SRSF3: variants seen among roughly 807,000 people sequenced by gnomAD.
SRSF3 encodes serine and arginine rich splicing factor 3, also known as serine/arginine-rich splicing factor 3.
For missense variants in SRSF3, 58 were observed against 217.1 expected (o/e 0.27, Z 4.61); for synonymous variants, 87 against 73.6 (o/e 1.18, Z -0.93).
At chr6:36,597,531 C>G (rs611831) in intron 2 of SRSF3, among the ~76,000 whole-genome samples, 149,733 of 152,300 alleles carry the variant, frequency 0.98, 73,612 homozygotes, top group East Asian at 1. Flanking sequence ...AAGTGAATCA[C>G]TTACTATTTC....
At position 36,602,161 on chromosome 6, in the gene SRSF3, A is replaced by T; in HGVS notation, c.*172A>T. The T allele has an allele frequency of 8.0e-7, 1 of 1,248,320 alleles. No individual in the cohort carries two copies. Among genetic ancestry groups the T allele is most frequent in the Non-Finnish European group, 1.1e-6 (1 of 926,708 alleles). 77.3% of individuals were successfully genotyped at this position (1,248,320 alleles called of 1,614,324 possible). On this transcript the variant is annotated 3_prime_UTR_variant, in exon 6 of 6. Transcript: ENST00000373715. ...CAGTGACACAAAGGTGTAATTCTCTATGGTTTGAAATGGATCATACGAGGC... is the reference window on the plus strand; with the variant it reads ...CAGTGACACAAAGGTGTAATTCTCTTTGGTTTGAAATGGATCATACGAGGC...
chr6:36,600,271 A>G, intron 3 of SRSF3: 1 of 1,041,026 alleles, frequency 9.6e-7, no homozygotes, highest in Non-Finnish European at 1.2e-6. Context: ...TTGAAACCCA[A>G]AACTAGTAAG....
At position 36,596,690 on chromosome 6, in the gene SRSF3, C is replaced by T. The variant is rs180777495; in HGVS notation, c.-2-71C>T. ...CTCTCTTGTCCTCTCTAATGGAGTT[C>T]TTTCTAAGGATCTGTGGTTTTAACT... On this transcript the variant is annotated intron_variant, in intron 1 of 5. Coordinates refer to ENST00000373715, the MANE Select transcript of SRSF3 (RefSeq NM_003017.5). 4.4e-3 allele frequency: 6,005 copies of T among 1,379,142 alleles called. 32 individuals are homozygous for T. Among genetic ancestry groups the T allele is most frequent in the South Asian group, 9.9e-3 (859 of 86,486 alleles). 85.4% of individuals were successfully genotyped at this position (1,379,142 alleles called of 1,614,324 possible). A position where few individuals can be genotyped will look rare whatever the true frequency, so the allele number is the denominator to read the frequency against.
chr6:36,598,990 G>A lies in SRSF3; in HGVS notation c.341+7G>A, dbSNP rs758516104. ...GTCCTCCACCTCGTCGCAGGTACTT[G>A]AGAGAAAGCTTGTTAAGAGGTATTG... On this transcript the variant is annotated splice_region_variant and intron_variant, in intron 3 of 5. Transcript: ENST00000373715. The A allele has an allele frequency of 6.2e-7, 1 of 1,613,958 alleles. No individual in the cohort carries two copies. The highest frequency in any genetic ancestry group is 1.1e-5 in the South Asian group (1 of 91,064).
rs1357200058 is a variant in SRSF3 at position 36,603,844 on chromosome 6, G to A, written c.*1855G>A. The stretch of plus-strand genomic sequence containing the variant: ...GGACAACTTATGTGGGCATTTTTGG[G>A]CAGTATATGACTTCCTTGCAGGCTC... On this transcript the variant is annotated 3_prime_UTR_variant, in exon 6 of 6. Coordinates refer to ENST00000373715, the MANE Select transcript of SRSF3 (RefSeq NM_003017.5). The A allele has an allele frequency of 8.6e-6, 2 of 231,362 alleles. No homozygotes were observed. Among genetic ancestry groups the A allele is most frequent in the Non-Finnish European group, 1.7e-5 (2 of 116,988 alleles). The allele number at this position is 231,362 out of a possible 1,614,324, so 14.3% of individuals were successfully genotyped here. A position where few individuals can be genotyped will look rare whatever the true frequency, so the allele number is the denominator to read the frequency against.
Position 36,594,392 on chromosome 6 carries a change from A to C in SRSF3, c.-92A>C, listed in dbSNP as rs577626663. On this transcript the variant is annotated 5_prime_UTR_variant, in exon 1 of 6. Transcript: ENST00000373715. ...ATTTCGTGGACGCCGGGTGAGTGAG[A>C]GAGTTGGTTGGTGTTGGGCCGGAGG... 4 of 152,544 alleles carry C rather than the reference A, an allele frequency of 2.6e-5. No individual in the cohort carries two copies. Among genetic ancestry groups the C allele is most frequent in the African/African-American group, 9.7e-5 (4 of 41,436 alleles). 9.4% of individuals were successfully genotyped at this position (152,544 alleles called of 1,614,324 possible). A position where few individuals can be genotyped will look rare whatever the true frequency, so the allele number is the denominator to read the frequency against.
chr6:36,596,692 T>G (rs1778636172), intron 1 of SRSF3, 69 bp from the exon 2 acceptor site: 5 of 1,416,396 alleles, frequency 3.5e-6, no homozygotes, highest in Non-Finnish European at 5.0e-6. Flanking sequence ...ATGGAGTTCT[T>G]TCTAAGGATC....
rs989070605 is a variant in SRSF3 at position 36,604,136 on chromosome 6, A to G, written c.*2147A>G. ...AATTTTTAAAGTTGTAATTCCTAAA[A>G]TAACAGGTCACACTAACCGGTCTTG... On this transcript the variant is annotated 3_prime_UTR_variant, in exon 6 of 6. Transcript: ENST00000373715. 4.5e-6 allele frequency: 1 copy of G among 222,962 alleles called. No individual in the cohort carries two copies. Among genetic ancestry groups the G allele is most frequent in the African/African-American group, 2.2e-5 (1 of 44,762 alleles). 13.8% of individuals were successfully genotyped at this position (222,962 alleles called of 1,614,324 possible). A position where few individuals can be genotyped will look rare whatever the true frequency, so the allele number is the denominator to read the frequency against.
In SRSF3 at chr6:36,602,222, C is replaced by T; in HGVS notation, c.*233C>T. The stretch of plus-strand genomic sequence containing the variant: ...AAGAATTGTTACTTTACAATGTTCC[C>T]TTAAGCAAAATTGAATTTGCTTTGA... On this transcript the variant is annotated 3_prime_UTR_variant, in exon 6 of 6. Coordinates refer to ENST00000373715, the MANE Select transcript of SRSF3 (RefSeq NM_003017.5). 2.5e-6 allele frequency: 2 copies of T among 798,558 alleles called. No homozygotes were observed. The highest frequency in any genetic ancestry group is 3.1e-5 in the East Asian group (1 of 32,558). 49.5% of individuals were successfully genotyped at this position (798,558 alleles called of 1,614,324 possible).
At chr6:36,600,482 C>A in intron 3 of SRSF3, 1 of 187,788 alleles carries the variant, frequency 5.3e-6, no homozygotes, top group Non-Finnish European at 1.0e-5. Context: ...GTGCAAGATG[C>A]CAAACTAAAA....
intron 2 of SRSF3, 109 bp downstream of exon 2, chr6:36,597,077 T>A: frequency 6.5e-6 from 5 of 769,992 alleles, no homozygotes; most frequent in Non-Finnish European, 8.6e-6. Context: ...GCCAATTGTA[T>A]CTTTAGATAC....
At chr6:36,597,867 A>G (rs1300945536) in intron 2 of SRSF3, among the ~76,000 whole-genome samples, 1 of 134,532 alleles carries the variant, frequency 7.4e-6, no homozygotes, top group African/African-American at 2.9e-5. Flanking sequence ...TATATTTATT[A>G]TTTAAAAAAT....
rs1485916346 is a variant in SRSF3, at chr6:36,604,056, G to A, written c.*2067G>A. The stretch of plus-strand genomic sequence containing the variant: ...AACCTCAAGACTCTTAGAAACTTTA[G>A]AACATGGAAATTGTTAAAAGCTTTG... On this transcript the variant is annotated 3_prime_UTR_variant, in exon 6 of 6. Transcript: ENST00000373715. 4.4e-6 allele frequency: 1 copy of A among 228,992 alleles called. No individual in the cohort carries two copies. The allele number at this position is 228,992 out of a possible 1,614,324, so 14.2% of individuals were successfully genotyped here. A position where few individuals can be genotyped will look rare whatever the true frequency, so the allele number is the denominator to read the frequency against.
chr6:36,601,698 G>C lies in SRSF3; in HGVS notation c.381-10G>C, dbSNP rs1486293156. 6.3e-7 allele frequency: 1 copy of C among 1,582,514 alleles called. No homozygotes were observed. Among genetic ancestry groups the C allele is most frequent in the Non-Finnish European group, 8.6e-7 (1 of 1,157,692 alleles). On this transcript the variant is annotated splice_polypyrimidine_tract_variant and intron_variant, in intron 4 of 5. Coordinates refer to ENST00000373715, the MANE Select transcript of SRSF3 (RefSeq NM_003017.5). ...ACCTCATTGGTCCTAATGTTTTTTT[G>C]CTTGTTTAGGTCCCTTTCTAGAGAT... is the stretch of plus-strand genomic sequence containing the variant.
chr6:36,597,100 T>A, intron 2 of SRSF3, 132 bp downstream of exon 2: 24 of 317,624 alleles, frequency 7.6e-5, no homozygotes, highest in Non-Finnish European at 7.3e-5. Context: ...TTGGGATCTT[T>A]TTTTTTTTTT....
chr6:36,595,617 C>G (rs1416515793), intron 1 of SRSF3, among the ~76,000 whole-genome samples: 2 of 152,156 alleles, frequency 1.3e-5, no homozygotes, highest in African/African-American at 2.4e-5. Context: ...GCTTCTTTAA[C>G]TTAGCGTAAT....
chr6:36,596,722 G>A (rs1055920641), intron 1 of SRSF3, 39 bp from the exon 2 acceptor site: 2 of 1,571,788 alleles, frequency 1.3e-6, no homozygotes, highest in Middle Eastern at 2.0e-4. Flanking sequence ...AACTGTAGAT[G>A]TTTAGATGAA....
chr6:36,603,772 A>G lies in SRSF3; in HGVS notation c.*1783A>G, dbSNP rs1778762816. ...TAGGAACAAGCCAAGATAGCTAAGA[A>G]GTTACGGAAGCCATGCAATATGTCA... On this transcript the variant is annotated 3_prime_UTR_variant, in exon 6 of 6. Coordinates refer to ENST00000373715, the MANE Select transcript of SRSF3 (RefSeq NM_003017.5). 1 of 231,428 alleles carries G rather than the reference A, an allele frequency of 4.3e-6. No individual in the cohort carries two copies. Among genetic ancestry groups the G allele is most frequent in the South Asian group, 1.8e-4 (1 of 5,518 alleles). The allele number at this position is 231,428 out of a possible 1,614,324, so 14.3% of individuals were successfully genotyped here.
chr6:36,600,743 C>T (rs1181381392), intron 3 of SRSF3: 1 of 159,202 alleles, frequency 6.3e-6, no homozygotes, highest in African/African-American at 2.4e-5. Context: ...CCACCTGGTA[C>T]CTAAGTCTTG....
Sources: allele counts gnomAD v4.1 joint callset (sites outside exome capture counted in the v4.1 genomes callset), GRCh38; gene constraint gnomAD v4.1.1; transcripts MANE v1.5; gene names NCBI Gene and HGNC (gene_info 2026-07-23, HGNC 2026-07-21).